Variants in SPTY2D1 observed in about 807,000 individuals in gnomAD.
The protein encoded by SPTY2D1 is SPT2 chromatin protein domain containing 1.
A neutral mutation model predicts 64.0 loss-of-function variants in SPTY2D1; 21 were observed. That is an observed-to-expected ratio of 0.33 (90% CI 0.23 to 0.47). The LOEUF (loss-of-function observed/expected upper bound fraction) is 0.47, where lower values mean the gene tolerates loss of function less well. Among genes scored for constraint, SPTY2D1 ranks in the 20% least tolerant of loss-of-function variants. The pLI is 1.00. For missense variants in SPTY2D1, 724 were observed against 837.2 expected (o/e 0.86, Z 1.67); for synonymous variants, 287 against 286.8 (o/e 1.00, Z -0.01).
At position 18,607,866 on chromosome 11, in the gene SPTY2D1, C is replaced by G. The variant is rs189846526; in HGVS notation, c.*1995G>C. The G allele has an allele frequency of 1.3e-5, 2 of 152,244 alleles. No individual in the cohort carries two copies. The highest frequency in any genetic ancestry group is 3.9e-4 in the East Asian group (2 of 5,190). 9.4% of individuals were successfully genotyped at this position (152,244 alleles called of 1,614,324 possible). A position where few individuals can be genotyped will look rare whatever the true frequency, so the allele number is the denominator to read the frequency against. ...GGAAATTTATTCTAACATAATGGTGCCTTTCTGTACAAAGAACTGTACCAT... is the reference window on the plus strand; with the variant it reads ...GGAAATTTATTCTAACATAATGGTGGCTTTCTGTACAAAGAACTGTACCAT... On this transcript the variant is annotated 3_prime_UTR_variant, in exon 6 of 6. Coordinates refer to ENST00000336349, the MANE Select transcript of SPTY2D1 (RefSeq NM_194285.3).
intron 3 of SPTY2D1, 111 bp downstream of exon 3, chr11:18,614,452 G>A (rs563897803): frequency 5.7e-5 from 59 of 1,037,212 alleles, no homozygotes; most frequent in Non-Finnish European, 8.4e-5. Flanking sequence ...CAACACTACA[G>A]CACATTAAAG....
At position 18,615,269 on chromosome 11, in the gene SPTY2D1, A is replaced by C; in HGVS notation, c.1005T>G (p.Ser335=). The change falls in exon 3 of 6, where the codon TCT becomes TCG. Residue 335 remains serine, a synonymous_variant. Coordinates refer to ENST00000336349, the MANE Select transcript of SPTY2D1 (RefSeq NM_194285.3). ...ATTTTTTGGCTTTGTGCTCAACAGC[A>C]GATTTCTGAGTCCTGCTAGCAGAAG... ...PKTSASRTQK[S]AVEHKAKKSL... is the part of the protein sequence containing the mutation. 6.2e-7 allele frequency: 1 copy of C among 1,614,230 alleles called. No individual in the cohort carries two copies. Among genetic ancestry groups the C allele is most frequent in the Non-Finnish European group, 8.5e-7 (1 of 1,180,038 alleles).
chr11:18,623,626 A>G (rs1374483814), intron 1 of SPTY2D1, among the ~76,000 whole-genome samples: 1 of 152,228 alleles, frequency 6.6e-6, no homozygotes, highest in African/African-American at 2.4e-5. Context: ...CATGCCAATG[A>G]AGGCATAAGA....
chr11:18,621,345 G>GAAAAGAAAAGAAAAGAA (rs1854395338), intron 1 of SPTY2D1, among the ~76,000 whole-genome samples: 3 of 149,790 alleles, frequency 2.0e-5, no homozygotes, highest in African/African-American at 7.4e-5. Context: ...GAAAAGAAAA[G>GAAAAGAAAAGAAAAGAA]AAAAGAAAAG....
rs760132504 is a variant in SPTY2D1 at position 18,609,952 on chromosome 11, A to G, written c.1967T>C (p.Leu656Ser). ...KEQQKEEAKSLRLGMQEDLEE... is the reference protein window; with the variant it reads ...KEQQKEEAKSSRLGMQEDLEE... ...TAAGTCCTCTTGCATACCCAGTCTTAAGCTGCCAAAGAATTTTTAAAGGGT... is the reference window on the plus strand; with the variant it reads ...TAAGTCCTCTTGCATACCCAGTCTTGAGCTGCCAAAGAATTTTTAAAGGGT... Residue 656 changes from leucine (L) to serine (S), a missense_variant and splice_region_variant, in exon 6 of 6, where the codon TTA becomes TCA. Physicochemically the swap from Leu to Ser is moderately radical, Grantham distance 145. Transcript: ENST00000336349. 3 of 1,612,880 alleles carry G rather than the reference A, an allele frequency of 1.9e-6. No individual in the cohort carries two copies. In the Admixed American group the frequency reaches 5.0e-5, roughly 27 times the overall value.
chr11:18,625,846 C>G (rs1324855822), intron 1 of SPTY2D1, among the ~76,000 whole-genome samples: 1 of 141,984 alleles, frequency 7.0e-6, no homozygotes, highest in Non-Finnish European at 1.5e-5. Context: ...GATGGAGTCT[C>G]GCTCTGTTGC....
intron 1 of SPTY2D1, among the ~76,000 whole-genome samples, chr11:18,617,981 G>A (rs1854329524): frequency 6.6e-6 from 1 of 151,550 alleles, no homozygotes; most frequent in Non-Finnish European, 1.5e-5. Flanking sequence ...GTAAGTAAAT[G>A]TATAAAATTC....
chr11:18,614,886 C>G lies in SPTY2D1; in HGVS notation c.1388G>C (p.Arg463Pro), dbSNP rs201030945. 486 of 1,613,596 alleles carry G rather than the reference C, an allele frequency of 3.0e-4. 5 individuals carry two copies. In the East Asian group the frequency reaches 9.9e-3, roughly 33 times the overall value. Reference protein sequence around the residue: ...VSSARPLGSSRGPGRPVSSPH... With the variant: ...VSSARPLGSSPGPGRPVSSPH... ...ACTGCTCACAGGCCGGCCAGGGCCACGAGAGCTGCCCAAGGGTCTTGCAGA... is the reference window on the plus strand; with the variant it reads ...ACTGCTCACAGGCCGGCCAGGGCCAGGAGAGCTGCCCAAGGGTCTTGCAGA... The change falls in exon 3 of 6, where the codon CGT becomes CCT. Residue 463 changes from arginine to proline, a missense_variant. Coordinates refer to ENST00000336349, the MANE Select transcript of SPTY2D1 (RefSeq NM_194285.3).
intron 3 of SPTY2D1, 91 bp downstream of exon 3, chr11:18,614,472 T>C: frequency 8.2e-7 from 1 of 1,216,454 alleles, no homozygotes; most frequent in Non-Finnish European, 1.2e-6. Flanking sequence ...GGACAGCACA[T>C]GAGGGGTTCA....
intron 1 of SPTY2D1, among the ~76,000 whole-genome samples, chr11:18,622,350 T>G (rs1041503299): frequency 6.6e-6 from 1 of 151,744 alleles, no homozygotes; most frequent in South Asian, 2.1e-4. Flanking sequence ...GGCAGCATAA[T>G]GAGACCCCCA....
At chr11:18,631,589 T>G (rs1400393814) in intron 1 of SPTY2D1, among the ~76,000 whole-genome samples, 1 of 127,198 alleles carries the variant, frequency 7.9e-6, no homozygotes, top group East Asian at 2.4e-4. Context: ...TTTATTTCTT[T>G]TAAAATAGAT....
Position 18,609,802 on chromosome 11 carries a change from A to C in SPTY2D1, c.*59T>G. 1 of 1,524,608 alleles carries C rather than the reference A, an allele frequency of 6.6e-7. No homozygotes were observed. Among genetic ancestry groups the C allele is most frequent in the African/African-American group, 1.4e-5 (1 of 72,670 alleles). 94.4% of individuals were successfully genotyped at this position (1,524,608 alleles called of 1,614,324 possible). A position where few individuals can be genotyped will look rare whatever the true frequency, so the allele number is the denominator to read the frequency against. On this transcript the variant is annotated 3_prime_UTR_variant, in exon 6 of 6. Coordinates refer to ENST00000336349, the MANE Select transcript of SPTY2D1 (RefSeq NM_194285.3). ...ATGATAAGGGGGCTTCTTCAGTCTG[A>C]AGGCAGGAAATCCTTGCAGCAGAGC...
Position 18,615,141 on chromosome 11 carries a change from G to C in SPTY2D1, c.1133C>G (p.Ala378Gly). 1 of 1,614,204 alleles carries C rather than the reference G, an allele frequency of 6.2e-7. No homozygotes were observed. The highest frequency in any genetic ancestry group is 8.5e-7 in the Non-Finnish European group (1 of 1,180,032). ...AACCCCTGTGCTGGGCTGCCCAGGG[G>C]CTGAGCTAGAGCTGCTGCCTGGCTG... ...VRQPGSSSSSAPGQPSTGVAR... is the reference protein window; with the variant it reads ...VRQPGSSSSSGPGQPSTGVAR... The change falls in exon 3 of 6, where the codon GCC (alanine) becomes GGC (glycine). Residue 378 changes from alanine (A) to glycine (G), a missense_variant. Transcript: ENST00000336349.
intron 1 of SPTY2D1, among the ~76,000 whole-genome samples, chr11:18,620,352 G>A (rs1306032796): frequency 2.6e-5 from 4 of 152,050 alleles, no homozygotes; most frequent in Admixed American, 2.0e-4. Context: ...GGTGGCTCAC[G>A]CCTGTAGTCC....
chr11:18,614,268 A>G (rs10832950), intron 3 of SPTY2D1, among the ~76,000 whole-genome samples: 84,099 of 152,022 alleles, frequency 0.55, 27,501 homozygotes, highest in Middle Eastern at 0.75. Context: ...ATAAAAAATA[A>G]AAAGTTAGCC....
rs1854166560 is a variant in SPTY2D1, at chr11:18,609,785, G to C, written c.*76C>G. ...CCAAGTATAAATCTAAAATGATAAG[G>C]GGGCTTCTTCAGTCTGAAGGCAGGA... is the stretch of plus-strand genomic sequence containing the variant. On this transcript the variant is annotated 3_prime_UTR_variant, in exon 6 of 6. Transcript: ENST00000336349. The C allele has an allele frequency of 3.0e-6, 4 of 1,312,980 alleles. No individual in the cohort carries two copies. Among genetic ancestry groups the C allele is most frequent in the Non-Finnish European group, 4.3e-6 (4 of 923,088 alleles). The allele number at this position is 1,312,980 out of a possible 1,614,324, so 81.3% of individuals were successfully genotyped here.
intron 1 of SPTY2D1, among the ~76,000 whole-genome samples, chr11:18,624,347 C>A (rs1175477677): frequency 6.6e-6 from 1 of 152,164 alleles, no homozygotes; most frequent in Admixed American, 6.5e-5. Flanking sequence ...TCCATCAATT[C>A]TGAATCTGAG....
At chr11:18,627,480 C>A (rs1211133798) in intron 1 of SPTY2D1, among the ~76,000 whole-genome samples, 1 of 147,150 alleles carries the variant, frequency 6.8e-6, no homozygotes, top group Admixed American at 6.8e-5. Context: ...TGGTGGCTCA[C>A]ATCTGTAATC....
At chr11:18,631,397 A>C (rs1478854619) in intron 1 of SPTY2D1, among the ~76,000 whole-genome samples, 1 of 152,034 alleles carries the variant, frequency 6.6e-6, no homozygotes, top group Non-Finnish European at 1.5e-5. Context: ...TCTACTAAAA[A>C]TACAAAAAAA....
Sources: gnomAD v4.1 joint callset for allele counts (sites outside exome capture counted in the v4.1 genomes callset) on GRCh38, gnomAD v4.1.1 for gene constraint, MANE v1.5 for transcripts, NCBI Gene and HGNC (gene_info 2026-07-23, HGNC 2026-07-21) for gene names.